HS3ST5: variants seen among roughly 807,000 people sequenced by gnomAD.
HS3ST5 encodes the protein heparan sulfate glucosamine 3-O-sulfotransferase 5.
In HS3ST5, 10 loss-of-function variants were observed where a neutral mutation model predicts 25.4. The observed-to-expected ratio is 0.39, with a 90% CI of 0.24 to 0.67. The LOEUF (loss-of-function observed/expected upper bound fraction) is 0.67, where lower values mean the gene tolerates loss of function less well. Ranked by LOEUF, HS3ST5 falls within the 30% of genes least tolerant of loss-of-function variation. The pLI is 0.44. For missense variants in HS3ST5, 324 were observed against 420.7 expected (o/e 0.77, Z 2.01); for synonymous variants, 170 against 162.4 (o/e 1.05, Z -0.36).
rs757564478 is a variant in HS3ST5 at position 114,057,942 on chromosome 6, G to A, written c.356C>T (p.Ala119Val). ...MLNLHPAVVK[A>V]SQEIHFFDND... The stretch of plus-strand genomic sequence containing the variant: ...ATCAAAAAAGTGGATTTCTTGAGAG[G>A]CTTTGACTACTGCCGGATGTAGGTT... Residue 119 changes from alanine (A) to valine (V), a missense_variant, in exon 5 of 5, where the codon GCC becomes GTC. Coordinates refer to ENST00000312719, the MANE Select transcript of HS3ST5 (RefSeq NM_153612.4). The A allele has an allele frequency of 5.0e-6, 8 of 1,614,074 alleles. No homozygotes were observed. The highest frequency in any genetic ancestry group is 6.8e-6 in the Non-Finnish European group (8 of 1,180,036).
chr6:114,110,600 T>G (rs192906858), intron 3 of HS3ST5, among the ~76,000 whole-genome samples: 98 of 152,278 alleles, frequency 6.4e-4, no homozygotes, highest in Admixed American at 3.3e-3. Context: ...GAATAGTGTT[T>G]GGGTCTTACA....
chr6:114,093,675 A>T (rs973547242), intron 3 of HS3ST5, among the ~76,000 whole-genome samples: 17 of 151,962 alleles, frequency 1.1e-4, no homozygotes, highest in African/African-American at 3.9e-4. Flanking sequence ...TCTATTCATC[A>T]TGACTTAGGG....
intron 3 of HS3ST5, among the ~76,000 whole-genome samples, chr6:114,090,897 T>C (rs1289046016): frequency 6.6e-6 from 1 of 152,228 alleles, no homozygotes; most frequent in African/African-American, 2.4e-5. Flanking sequence ...TTCTGGTGCA[T>C]CAGACTCTCA....
At chr6:114,315,297 C>T (rs1157757860) in intron 1 of HS3ST5, among the ~76,000 whole-genome samples, 1 of 152,068 alleles carries the variant, frequency 6.6e-6, no homozygotes, top group Non-Finnish European at 1.5e-5. Context: ...TATTTGTTGT[C>T]CATCACATTT....
chr6:114,121,210 C>T (rs1197840538), intron 3 of HS3ST5, among the ~76,000 whole-genome samples: 1 of 152,200 alleles, frequency 6.6e-6, no homozygotes, highest in East Asian at 1.9e-4. Context: ...TTCTGACCCA[C>T]AGTTTATACA....
chr6:114,324,078 T>A (rs576297213), intron 1 of HS3ST5, among the ~76,000 whole-genome samples: 2 of 152,136 alleles, frequency 1.3e-5, no homozygotes, highest in African/African-American at 4.8e-5. Flanking sequence ...TGAAGGTAAA[T>A]ACAACCTAAC....
intron 3 of HS3ST5, among the ~76,000 whole-genome samples, chr6:114,123,109 G>A (rs1488960250): frequency 3.9e-5 from 6 of 152,078 alleles, no homozygotes; most frequent in Non-Finnish European, 8.8e-5. Context: ...ATGCGCCACC[G>A]CACCGGGCTA....
intron 3 of HS3ST5, among the ~76,000 whole-genome samples, chr6:114,109,205 T>G (rs1776137769): frequency 6.6e-6 from 1 of 152,108 alleles, no homozygotes. Flanking sequence ...ACTACTCTCC[T>G]AACAGAAGCA....
intron 1 of HS3ST5, among the ~76,000 whole-genome samples, chr6:114,229,216 G>T (rs1238744498): frequency 6.6e-6 from 1 of 152,060 alleles, no homozygotes; most frequent in Non-Finnish European, 1.5e-5. Flanking sequence ...CTTTCACATG[G>T]GTAGTACTTG....
chr6:114,159,283 T>C (rs1778831771), intron 3 of HS3ST5, among the ~76,000 whole-genome samples: 1 of 152,216 alleles, frequency 6.6e-6, no homozygotes, highest in Non-Finnish European at 1.5e-5. Context: ...CCAAAGGCCA[T>C]GTATAATAAT....
chr6:114,102,596 G>A (rs1775789168), intron 3 of HS3ST5, among the ~76,000 whole-genome samples: 1 of 152,152 alleles, frequency 6.6e-6, no homozygotes, highest in Non-Finnish European at 1.5e-5. Flanking sequence ...GAAGCAAGAG[G>A]TAGACATTCT....
intron 1 of HS3ST5, among the ~76,000 whole-genome samples, chr6:114,258,064 CT>C (rs1475310512): frequency 2.6e-5 from 4 of 152,226 alleles, no homozygotes; most frequent in African/African-American, 9.6e-5. Flanking sequence ...CAGCTTGTTT[CT>C]ATTTAATAAG....
intron 3 of HS3ST5, among the ~76,000 whole-genome samples, chr6:114,082,798 G>A (rs1478795317): frequency 6.6e-6 from 1 of 152,070 alleles, no homozygotes; most frequent in Non-Finnish European, 1.5e-5. Flanking sequence ...TACCTGCTCT[G>A]TCATAACCAT....
chr6:114,330,483 T>G (rs568699839), intron 1 of HS3ST5, among the ~76,000 whole-genome samples: 1 of 152,198 alleles, frequency 6.6e-6, no homozygotes, highest in Admixed American at 6.5e-5. Flanking sequence ...ATGAAGTGAG[T>G]GGGGGATGCT....
At chr6:114,159,893 A>G (rs1474769798) in intron 3 of HS3ST5, among the ~76,000 whole-genome samples, 2 of 152,226 alleles carry the variant, frequency 1.3e-5, no homozygotes, top group African/African-American at 4.8e-5. Context: ...TTTGCTAAAG[A>G]AACAAATATG....
intron 1 of HS3ST5, among the ~76,000 whole-genome samples, chr6:114,335,658 T>C (rs1221579678): frequency 3.0e-4 from 45 of 152,152 alleles, no homozygotes; most frequent in Non-Finnish European, 7.4e-5. Flanking sequence ...TCTTTTTTTT[T>C]TTTCTTTTTT....
At chr6:114,312,037 A>G (rs1775556655) in intron 1 of HS3ST5, among the ~76,000 whole-genome samples, 1 of 152,226 alleles carries the variant, frequency 6.6e-6, no homozygotes, top group Non-Finnish European at 1.5e-5. Flanking sequence ...AATGAAGTAG[A>G]GTTCTACCTA....
chr6:114,149,481 A>T (rs1778345579), intron 3 of HS3ST5, among the ~76,000 whole-genome samples: 1 of 152,212 alleles, frequency 6.6e-6, no homozygotes, highest in Non-Finnish European at 1.5e-5. Flanking sequence ...TAACACAGGA[A>T]CAGAAAACCA....
chr6:114,322,708 C>T (rs978926624), intron 1 of HS3ST5, among the ~76,000 whole-genome samples: 41 of 152,082 alleles, frequency 2.7e-4, no homozygotes, highest in Admixed American at 2.6e-3. Flanking sequence ...CCTTTCTTGC[C>T]ATCTATAATT....
Sources: allele counts gnomAD v4.1 joint callset (sites outside exome capture counted in the v4.1 genomes callset), GRCh38; gene constraint gnomAD v4.1.1; transcripts MANE v1.5; gene names NCBI Gene and HGNC (gene_info 2026-07-23, HGNC 2026-07-21).